SYNE1: variants seen among roughly 807,000 people sequenced by gnomAD.
SYNE1 encodes the protein nesprin-1.
In SYNE1, 616 loss-of-function variants were observed where a neutral mutation model predicts 1,111.0. The ratio of observed to expected loss-of-function variants is 0.55; its 90% CI spans 0.52 to 0.59. The LOEUF is 0.59. Among genes scored for constraint, SYNE1 ranks in the 20% least tolerant of loss-of-function variants. SYNE1 has a pLI of 0.00. For missense variants in SYNE1, 10,006 were observed against 10,417.0 expected (o/e 0.96, Z 1.72); for synonymous variants, 3,855 against 3,825.8 (o/e 1.01, Z -0.28).
intron 25 of SYNE1, among the ~76,000 whole-genome samples, chr6:152,452,709 C>T (rs1299435890): frequency 6.6e-6 from 1 of 152,196 alleles, no homozygotes; most frequent in Non-Finnish European, 1.5e-5. Context: ...AGACAGCCTT[C>T]CATGGGTCTC....
intron 127 of SYNE1, among the ~76,000 whole-genome samples, chr6:152,190,876 A>C (rs2072073068): frequency 6.6e-6 from 1 of 152,232 alleles, no homozygotes; most frequent in African/African-American, 2.4e-5. Flanking sequence ...AAAGGCTTTC[A>C]GTTTTTCCTT....
chr6:152,483,711 A>G (rs1356459912), intron 13 of SYNE1, among the ~76,000 whole-genome samples: 1 of 152,132 alleles, frequency 6.6e-6, no homozygotes, highest in Non-Finnish European at 1.5e-5. Flanking sequence ...AGGATTATCT[A>G]AGCAGCTCTG....
chr6:152,502,980 C>G (rs183052279), intron 9 of SYNE1, among the ~76,000 whole-genome samples: 14 of 152,190 alleles, frequency 9.2e-5, no homozygotes, highest in African/African-American at 3.4e-4. Context: ...AAGAAAGTAG[C>G]ATATGTGTCA....
chr6:152,316,587 G>A, intron 87 of SYNE1: 1 of 465,608 alleles, frequency 2.1e-6, no homozygotes, highest in South Asian at 2.3e-5. Flanking sequence ...CAGAAAATGA[G>A]TTCTACAAGG....
chr6:152,492,996 G>A (rs1299840804), intron 11 of SYNE1, among the ~76,000 whole-genome samples: 2 of 151,994 alleles, frequency 1.3e-5, no homozygotes, highest in African/African-American at 4.8e-5. Flanking sequence ...TGAATTATCT[G>A]CTTCTCTGAC....
At position 152,326,540 on chromosome 6, in the gene SYNE1, G is replaced by T; in HGVS notation, c.15049C>A (p.Gln5017Lys). ...ACGTCTAGGCCATTGCCTGCCAGCT[G>T]TAACAATTCTTGGGCATCCTCAAGC... ...DWLEDAQELLQLAGNGLDVES... is the reference protein window; with the variant it reads ...DWLEDAQELLKLAGNGLDVES... The change falls in exon 79 of 146, where the codon CAG becomes AAG. Residue 5017 changes from glutamine to lysine, a missense_variant. By Grantham distance (53) the Gln-to-Lys change is moderately conservative. Coordinates refer to ENST00000367255, the MANE Select transcript of SYNE1 (RefSeq NM_182961.4). 3 of 1,614,184 alleles carry T rather than the reference G, an allele frequency of 1.9e-6. No individual in the cohort carries two copies. Among genetic ancestry groups the T allele is most frequent in the Non-Finnish European group, 2.5e-6 (3 of 1,180,034 alleles).
chr6:152,276,143 T>G (rs1489931614), intron 98 of SYNE1, among the ~76,000 whole-genome samples: 1 of 148,292 alleles, frequency 6.7e-6, no homozygotes, highest in African/African-American at 2.5e-5. Flanking sequence ...CAAGCAGTTC[T>G]CATGCCTCAG....
intron 11 of SYNE1, among the ~76,000 whole-genome samples, chr6:152,498,481 A>C (rs536897444): frequency 6.6e-6 from 1 of 152,344 alleles, no homozygotes; most frequent in African/African-American, 2.4e-5. Context: ...TAAGTATTAT[A>C]AAGAAGAAAT....
rs537027365 is a variant in SYNE1 at position 152,311,003 on chromosome 6, A to C, written c.16711-130T>G. On this transcript the variant is annotated intron_variant, in intron 87 of 145. Transcript: ENST00000367255. ...TTATTGTGTTTAACCTTCACCCCCC[A>C]TGACCACTTTCTACTTGGTAGCCAC... is the stretch of plus-strand genomic sequence containing the variant. 4 of 896,764 alleles carry C rather than the reference A, an allele frequency of 4.5e-6. No homozygotes were observed. The South Asian group carries it at 5.7e-5, about 13-fold the overall frequency. The allele number at this position is 896,764 out of a possible 1,614,324, so 55.6% of individuals were successfully genotyped here. A position where few individuals can be genotyped will look rare whatever the true frequency, so the allele number is the denominator to read the frequency against.
At chr6:152,226,866 T>G (rs939950121) in intron 115 of SYNE1, among the ~76,000 whole-genome samples, 1 of 152,146 alleles carries the variant, frequency 6.6e-6, no homozygotes, top group African/African-American at 2.4e-5. Context: ...TGGGGTGATA[T>G]GAAAAGCCAG....
chr6:152,628,147 T>A, intron 3 of SYNE1, 118 bp downstream of exon 3: 1 of 998,382 alleles, frequency 1.0e-6, no homozygotes, highest in Non-Finnish European at 1.6e-6. Flanking sequence ...AATAAAGACA[T>A]CCATCCCATT....
chr6:152,627,000 C>T (rs974618033), intron 3 of SYNE1, among the ~76,000 whole-genome samples: 6 of 152,100 alleles, frequency 3.9e-5, no homozygotes, highest in Non-Finnish European at 7.4e-5. Context: ...CTGTGCAAAC[C>T]CACAATGATC....
At chr6:152,516,293 T>C (rs2099111491) in intron 6 of SYNE1, among the ~76,000 whole-genome samples, 1 of 152,346 alleles carries the variant, frequency 6.6e-6, no homozygotes, top group East Asian at 1.9e-4. Context: ...AATTCTTTCA[T>C]TTTGTTCTGA....
intron 4 of SYNE1, among the ~76,000 whole-genome samples, chr6:152,532,843 C>T (rs7774611): frequency 0.036 from 5,401 of 152,098 alleles, 333 homozygotes; most frequent in African/African-American, 0.12. Context: ...TGGAGTTTTG[C>T]ATGCTCTGAT....
In SYNE1 at chr6:152,290,569, C is replaced by A. The variant is rs541403813; in HGVS notation, c.18012+3019G>T. ...AGACTCTGTCTCAAAAAAAAGAAATCTATAAGACAATTTAGAGAGGATAAC... is the reference window on the plus strand; with the variant it reads ...AGACTCTGTCTCAAAAAAAAGAAATATATAAGACAATTTAGAGAGGATAAC... On this transcript the variant is annotated intron_variant, in intron 95 of 145. Coordinates refer to ENST00000367255, the MANE Select transcript of SYNE1 (RefSeq NM_182961.4). Among the ~76,000 whole-genome samples, 24 of 151,960 alleles carry A rather than the reference C, an allele frequency of 1.6e-4. 1 individual carries two copies. The highest frequency in any genetic ancestry group is 6.8e-3 in the Middle Eastern group (2 of 294).
intron 58 of SYNE1, among the ~76,000 whole-genome samples, chr6:152,374,073 C>T (rs1377747970): frequency 6.6e-6 from 1 of 152,160 alleles, no homozygotes; most frequent in Non-Finnish European, 1.5e-5. Flanking sequence ...GAGCAGATTA[C>T]ATTATTAGTA....
At chr6:152,259,439 C>T (rs1224965896) in intron 101 of SYNE1, among the ~76,000 whole-genome samples, 1 of 152,086 alleles carries the variant, frequency 6.6e-6, no homozygotes, top group Non-Finnish European at 1.5e-5. Flanking sequence ...GGTTAGTGCC[C>T]TTTGACCTAG....
chr6:152,533,504 A>G (rs377091500), intron 4 of SYNE1, among the ~76,000 whole-genome samples: 152 of 152,170 alleles, frequency 1.0e-3, no homozygotes, highest in African/African-American at 3.5e-3. Flanking sequence ...CTCACACTCA[A>G]TATCTGATTC....
At chr6:152,524,671 G>C (rs1234201381) in intron 5 of SYNE1, among the ~76,000 whole-genome samples, 1 of 152,108 alleles carries the variant, frequency 6.6e-6, no homozygotes, top group Non-Finnish European at 1.5e-5. Context: ...AGCTTACTAG[G>C]GAGGTGATCC....
Sources: allele counts gnomAD v4.1 joint callset (sites outside exome capture counted in the v4.1 genomes callset), GRCh38; gene constraint gnomAD v4.1.1; transcripts MANE v1.5; gene names NCBI Gene and HGNC (gene_info 2026-07-23, HGNC 2026-07-21).